The following CLUAP1 variants were observed in gnomAD, a reference collection of about 807,000 sequenced individuals.
CLUAP1 encodes the protein intraflagellar transport 38, also known as clusterin-associated protein 1.
A neutral mutation model predicts 55.0 loss-of-function variants in CLUAP1; 50 were observed. The observed-to-expected ratio is 0.91, with a 90% CI of 0.72 to 1.15. CLUAP1 has a LOEUF of 1.15. Among genes scored for constraint, CLUAP1 ranks in the 50% most tolerant of loss-of-function variants. The pLI is 0.00. For synonymous variants in CLUAP1, 195 were observed against 175.4 expected, an observed-to-expected ratio of 1.11 and a Z score of -0.88; for missense variants, 530 against 507.6, an observed-to-expected ratio of 1.04 and a Z score of -0.42.
At chr16:3,519,557 G>A (rs553782856) in intron 6 of CLUAP1, among the ~76,000 whole-genome samples, 5 of 152,334 alleles carry the variant, frequency 3.3e-5, no homozygotes, top group South Asian at 2.1e-4. Flanking sequence ...CAGACTGACC[G>A]TCCAGAGTGA....
At chr16:3,515,894 CT>C (rs1185301878) in intron 6 of CLUAP1, among the ~76,000 whole-genome samples, 5 of 152,032 alleles carry the variant, frequency 3.3e-5, no homozygotes, top group African/African-American at 1.2e-4. Flanking sequence ...TAACCAATTC[CT>C]CACTGCTTAG....
upstream of CLUAP1, among the ~76,000 whole-genome samples, chr16:3,498,897 A>AAC (rs1491272643): frequency 8.5e-5 from 9 of 106,340 alleles, no homozygotes; most frequent in South Asian, 8.5e-4. Context: ...CAACAACAAC[A>AAC]AAAAAAAGTG....
At chr16:3,509,027 T>C (rs1010046854) in intron 4 of CLUAP1, among the ~76,000 whole-genome samples, 4 of 151,684 alleles carry the variant, frequency 2.6e-5, no homozygotes, top group African/African-American at 7.3e-5. Context: ...GAGGCCGAGG[T>C]GGGAGGATCC....
rs1350460644 is a variant in CLUAP1, at chr16:3,536,236, T to C, written c.1207T>C (p.Ser403Pro). 6.2e-7 allele frequency: 1 copy of C among 1,614,106 alleles called. No individual in the cohort carries two copies. The change falls in exon 12 of 12, where the codon TCT (serine) becomes CCT (proline). Residue 403 changes from serine (S) to proline (P), a missense_variant. Physicochemically the swap from Ser to Pro is moderately conservative, Grantham distance 74. Transcript: ENST00000576634. ...CAAGCCCAATCGAAGGGTCCGGAAATCTGAACCCCTGGATGAGAGTGACAA... is the reference window on the plus strand; with the variant it reads ...CAAGCCCAATCGAAGGGTCCGGAAACCTGAACCCCTGGATGAGAGTGACAA... ...PTKPNRRVRK[S>P]EPLDESDNDF
Position 3,511,835 on chromosome 16 carries a change from G to A in CLUAP1, c.400-548G>A, listed in dbSNP as rs114338626. Among the ~76,000 whole-genome samples the A allele has an allele frequency of 2.2e-3, 330 of 152,304 alleles. 4 individuals carry two copies. The highest frequency in any genetic ancestry group is 7.0e-3 in the African/African-American group (293 of 41,568). ...TGGGGAAGCACATGTTTGTGGTCAC[G>A]TGTCCCAACCAAAGGTAGGAGCTGA... On this transcript the variant is annotated intron_variant, in intron 4 of 11. Transcript: ENST00000576634.
chr16:3,496,120 T>C (rs544304157), upstream of CLUAP1: 5 of 377,270 alleles, frequency 1.3e-5, no homozygotes, highest in Admixed American at 3.5e-5. Flanking sequence ...CAGCCTGGGC[T>C]GCAGAGCGAG....
chr16:3,502,327 C>G (rs1386457806), intron 1 of CLUAP1, among the ~76,000 whole-genome samples: 1 of 151,846 alleles, frequency 6.6e-6, no homozygotes, highest in African/African-American at 2.4e-5. Context: ...GTCTGTAGTC[C>G]CAGGTACTTG....
At chr16:3,496,410 A>G, upstream of CLUAP1, 1 of 1,047,610 alleles carries the variant, frequency 9.5e-7, no homozygotes. Flanking sequence ...ATGATCCGGA[A>G]GATGAAGCTT....
chr16:3,495,629 G>A, the CLUAP1 span: 9 of 1,092,872 alleles, frequency 8.2e-6, no homozygotes, highest in African/African-American at 1.6e-5. Context: ...ATGGGAAGGG[G>A]CCAGAACCCT....
intron 4 of CLUAP1, among the ~76,000 whole-genome samples, chr16:3,510,279 C>A (rs993267425): frequency 6.6e-6 from 1 of 151,874 alleles, no homozygotes; most frequent in Non-Finnish European, 1.5e-5. Flanking sequence ...CAGGCGTGAG[C>A]CACCGCACCC....
At chr16:3,498,215 CCCT>C (rs1372417480), upstream of CLUAP1, among the ~76,000 whole-genome samples, 1 of 151,772 alleles carries the variant, frequency 6.6e-6, no homozygotes, top group Non-Finnish European at 1.5e-5. Context: ...GTGAATTCAC[CCCT>C]CCTCTGCATT....
chr16:3,529,694 TTATA>T (rs57129371), intron 9 of CLUAP1, among the ~76,000 whole-genome samples: 345 of 26,016 alleles, frequency 0.013, 55 homozygotes, highest in African/African-American at 0.078. Flanking sequence ...TTATTATATA[TTATA>T]TATTATATAT....
At chr16:3,512,534 T>G (rs1407265466) in intron 5 of CLUAP1, 56 bp downstream of exon 5, 3 of 1,333,550 alleles carry the variant, frequency 2.2e-6, no homozygotes, top group Non-Finnish European at 1.1e-6. Flanking sequence ...GGTTTTCTTT[T>G]TCAATTCTGT....
At chr16:3,523,072 C>A in intron 7 of CLUAP1, 86 bp from the exon 8 acceptor site, 1 of 1,130,932 alleles carries the variant, frequency 8.8e-7, no homozygotes, top group Non-Finnish European at 1.2e-6. Context: ...CAGAGAAAGC[C>A]ACCATGGAAT....
At chr16:3,524,307 G>GA (rs1019523880) in intron 8 of CLUAP1, among the ~76,000 whole-genome samples, 48 of 127,118 alleles carry the variant, frequency 3.8e-4, no homozygotes, top group Admixed American at 6.4e-4. Context: ...GTCTCAAAAA[G>GA]AAAAAAAAAA....
chr16:3,509,458 G>T (rs1295191920), intron 4 of CLUAP1, among the ~76,000 whole-genome samples: 1 of 152,250 alleles, frequency 6.6e-6, no homozygotes, highest in Non-Finnish European at 1.5e-5. Context: ...GCCGCCATCA[G>T]ACCGAAGCAG....
At chr16:3,520,637 A>T (rs1165548199) in intron 7 of CLUAP1, among the ~76,000 whole-genome samples, 1 of 152,184 alleles carries the variant, frequency 6.6e-6, no homozygotes, top group Non-Finnish European at 1.5e-5. Context: ...GAGTAAGTGA[A>T]TCCAGACGGG....
chr16:3,526,946 G>A (rs1451078064), intron 9 of CLUAP1, among the ~76,000 whole-genome samples: 1 of 152,140 alleles, frequency 6.6e-6, no homozygotes, highest in Non-Finnish European at 1.5e-5. Flanking sequence ...TGCAGGGAGA[G>A]GGGCCGCTCG....
At chr16:3,496,459 G>A (rs546825094), upstream of CLUAP1, 34 of 908,968 alleles carry the variant, frequency 3.7e-5, 1 homozygote, top group East Asian at 3.9e-4. Context: ...TTGTGGGGAC[G>A]CTTAACGGAT....
Sources: gnomAD v4.1 joint callset for allele counts (sites outside exome capture counted in the v4.1 genomes callset) on GRCh38, gnomAD v4.1.1 for gene constraint, MANE v1.5 for transcripts, NCBI Gene and HGNC (gene_info 2026-07-23, HGNC 2026-07-21) for gene names.